SEPTIN9: variants seen among roughly 807,000 people sequenced by gnomAD.
The protein encoded by SEPTIN9 is septin-9.
A neutral mutation model predicts 56.6 loss-of-function variants in SEPTIN9; 13 were observed. That is an observed-to-expected ratio of 0.23 (90% CI 0.15 to 0.37). SEPTIN9 has a LOEUF of 0.37. SEPTIN9 is among the 10% of genes least tolerant of loss of function. The pLI, the probability that SEPTIN9 is intolerant of heterozygous loss-of-function variation, is 1.00. For synonymous variants in SEPTIN9, 332 were observed against 334.1 expected (o/e 0.99, Z 0.07); for missense variants, 650 against 823.1 (o/e 0.79, Z 2.57).
chr17:77,441,203 C>G (rs1027240256), intron 3 of SEPTIN9, among the ~76,000 whole-genome samples: 1 of 152,178 alleles, frequency 6.6e-6, no homozygotes, highest in Non-Finnish European at 1.5e-5. Context: ...TTTGCCTGCC[C>G]TGGTGTCTCT....
chr17:77,391,286 G>C (rs1299952827), intron 2 of SEPTIN9, among the ~76,000 whole-genome samples: 1 of 152,150 alleles, frequency 6.6e-6, no homozygotes, highest in Non-Finnish European at 1.5e-5. Context: ...TCTGTGTTCT[G>C]TTCCTGGGGT....
chr17:77,352,020 GC>G (rs1225612349), intron 2 of SEPTIN9, among the ~76,000 whole-genome samples: 2 of 152,206 alleles, frequency 1.3e-5, no homozygotes, highest in Non-Finnish European at 2.9e-5. Context: ...TGGGGGAGGG[GC>G]CCTTGCCGGG....
At chr17:77,339,941 T>C (rs1000335219) in intron 2 of SEPTIN9, among the ~76,000 whole-genome samples, 4 of 152,096 alleles carry the variant, frequency 2.6e-5, no homozygotes, top group African/African-American at 7.2e-5. Context: ...TTCTCCTGCC[T>C]CAGCCTCCTG....
intron 2 of SEPTIN9, among the ~76,000 whole-genome samples, chr17:77,345,987 G>T (rs544499491): frequency 6.6e-6 from 1 of 152,158 alleles, no homozygotes; most frequent in East Asian, 1.9e-4. Context: ...ATCCTGCTCT[G>T]TTGCCCAGGC....
chr17:77,472,764 A>C (rs2039056686), intron 3 of SEPTIN9: 1 of 152,186 alleles, frequency 6.6e-6, no homozygotes, highest in African/African-American at 2.4e-5. Flanking sequence ...CCCAGGTCCT[A>C]ACCAGGCTTT....
intron 2 of SEPTIN9, among the ~76,000 whole-genome samples, chr17:77,368,184 CAG>C (rs1402956905): frequency 6.6e-6 from 1 of 152,264 alleles, no homozygotes; most frequent in East Asian, 1.9e-4. Context: ...TTAATGAGGA[CAG>C]AGTTTCAGTT....
intron 3 of SEPTIN9, among the ~76,000 whole-genome samples, chr17:77,418,982 C>G (rs1443629990): frequency 6.6e-6 from 1 of 152,182 alleles, no homozygotes; most frequent in Admixed American, 6.5e-5. Context: ...CCTGAGCCTC[C>G]TGGTTGCCCA....
rs963257059 is a variant in SEPTIN9 at position 77,488,609 on chromosome 17, T to C, written c.1125-118T>C. 30 of 1,424,048 alleles carry C rather than the reference T, an allele frequency of 2.1e-5. No homozygotes were observed. The Admixed American group carries it at 5.2e-4, about 25-fold the overall frequency. The allele number at this position is 1,424,048 out of a possible 1,614,324, so 88.2% of individuals were successfully genotyped here. A position where few individuals can be genotyped will look rare whatever the true frequency, so the allele number is the denominator to read the frequency against. On this transcript the variant is annotated intron_variant, in intron 6 of 11. Coordinates refer to ENST00000427177, the MANE Select transcript of SEPTIN9 (RefSeq NM_001113491.2). ...GCATCTCCGCTCAGCAAGCCAGACCTCCCAGGGCATGCATTTCATTGGAAG... is the reference window on the plus strand; with the variant it reads ...GCATCTCCGCTCAGCAAGCCAGACCCCCCAGGGCATGCATTTCATTGGAAG...
chr17:77,430,046 C>A (rs2037068703), intron 3 of SEPTIN9, among the ~76,000 whole-genome samples: 1 of 152,136 alleles, frequency 6.6e-6, no homozygotes, highest in Admixed American at 6.5e-5. Flanking sequence ...GCCCAGCCTC[C>A]CAGCCTGTGG....
intron 2 of SEPTIN9, chr17:77,322,934 C>T (rs1376708104): frequency 6.6e-6 from 1 of 152,488 alleles, no homozygotes. Flanking sequence ...GGCCCGCTGA[C>T]TTCCAGACGT....
rs2037939972 is a variant in SEPTIN9, at chr17:77,450,917, A to G, written c.722-31227A>G. The G allele has an allele frequency of 3.3e-6, 2 of 613,466 alleles. No homozygotes were observed. The highest frequency in any genetic ancestry group is 7.2e-5 in the South Asian group (1 of 13,978). 38.0% of individuals were successfully genotyped at this position (613,466 alleles called of 1,614,324 possible). A position where few individuals can be genotyped will look rare whatever the true frequency, so the allele number is the denominator to read the frequency against. On this transcript the variant is annotated intron_variant, in intron 3 of 11. Coordinates refer to ENST00000427177, the MANE Select transcript of SEPTIN9 (RefSeq NM_001113491.2). This position sits in a 1 kb window ranked among gnomAD's most constrained non-coding sequence, Gnocchi z 6.0. ...GTTCCAGCCCTGGCTGCAGGTCTGA[A>G]TGGCTTTCTGGGGTGGCTGGCCATG...
Position 77,327,456 on chromosome 17 carries a change from C to A in SEPTIN9, c.76+20259C>A, listed in dbSNP as rs377553190. 6.5e-4 allele frequency among the ~76,000 whole-genome samples: 99 copies of A among 152,314 alleles called. 3 individuals carry two copies. The South Asian group carries it at 0.014, about 21-fold the overall frequency. On this transcript the variant is annotated intron_variant, in intron 2 of 11. Transcript: ENST00000427177. This position sits in a 1 kb window ranked among gnomAD's most constrained non-coding sequence, Gnocchi z 5.0. Reference sequence around the variant, plus strand: ...AAGGGCATTGGCATAGATTCTGGGGCTGCCTTGGTTCAAGCCCACCCTGAC... The same window carrying A: ...AAGGGCATTGGCATAGATTCTGGGGATGCCTTGGTTCAAGCCCACCCTGAC...
chr17:77,292,035 C>T (rs1326220619), intron 1 of SEPTIN9, among the ~76,000 whole-genome samples: 1 of 152,166 alleles, frequency 6.6e-6, no homozygotes, highest in Non-Finnish European at 1.5e-5. Context: ...TCTTTGATTC[C>T]TTTTCACCAC....
chr17:77,353,967 C>T (rs145060413), intron 2 of SEPTIN9, among the ~76,000 whole-genome samples: 1 of 152,248 alleles, frequency 6.6e-6, no homozygotes, highest in African/African-American at 2.4e-5. Flanking sequence ...AGACAGATCC[C>T]TCTAGGCTGA....
Position 77,404,948 on chromosome 17 carries a change from T to G in SEPTIN9, c.721+2245T>G, listed in dbSNP as rs1190973331. The G allele has an allele frequency of 1.1e-5, 9 of 787,702 alleles. No homozygotes were observed. The Admixed American group carries it at 2.5e-4, about 22-fold the overall frequency. 48.8% of individuals were successfully genotyped at this position (787,702 alleles called of 1,614,324 possible). A position where few individuals can be genotyped will look rare whatever the true frequency, so the allele number is the denominator to read the frequency against. On this transcript the variant is annotated intron_variant, in intron 3 of 11. Transcript: ENST00000427177. ...GTTTGCAGAGTGGCAGGAGGCTGTTTCCTCCCCTGCCTTCTGTTGGTGCAG... is the reference window on the plus strand; with the variant it reads ...GTTTGCAGAGTGGCAGGAGGCTGTTGCCTCCCCTGCCTTCTGTTGGTGCAG...
chr17:77,438,769 A>G (rs1315831032), intron 3 of SEPTIN9, among the ~76,000 whole-genome samples: 1 of 152,206 alleles, frequency 6.6e-6, no homozygotes, highest in Non-Finnish European at 1.5e-5. Context: ...GTGTGTGGTC[A>G]TTTGCTACAG....
At chr17:77,455,251 T>C (rs7213930) in intron 3 of SEPTIN9, among the ~76,000 whole-genome samples, 8,441 of 152,206 alleles carry the variant, frequency 0.055, 484 homozygotes, top group African/African-American at 0.15. Flanking sequence ...TCTGGGTCGG[T>C]CTCAGGGGAC....
chr17:77,490,724 C>A lies in SEPTIN9; in HGVS notation c.1263-18C>A, dbSNP rs201982692. 193 of 1,545,878 alleles carry A rather than the reference C, an allele frequency of 1.2e-4. 3 individuals carry two copies. Among genetic ancestry groups the A allele is most frequent in the South Asian group, 1.2e-3 (100 of 84,218 alleles). ...CCCGCTCCCCCAGATGAGCCTCACG[C>A]ACATCCCTCTGCTTCAGCCTCAGGC... On this transcript the variant is annotated intron_variant, in intron 7 of 11. Transcript: ENST00000427177.
intron 3 of SEPTIN9, among the ~76,000 whole-genome samples, chr17:77,457,769 T>C (rs1172801813): frequency 6.6e-6 from 1 of 152,272 alleles, no homozygotes. Flanking sequence ...CAGTTTACTC[T>C]GGACCGGGCA....
Sources: gnomAD v4.1 joint callset for allele counts (sites outside exome capture counted in the v4.1 genomes callset) on GRCh38, gnomAD v4.1.1 for gene constraint, Gnocchi (gnomAD v3.1) non-coding constraint, MANE v1.5 for transcripts, NCBI Gene and HGNC (gene_info 2026-07-23, HGNC 2026-07-21) for gene names.